The following STYK1 variants were observed in gnomAD, a reference collection of about 807,000 sequenced individuals.
STYK1 encodes STY kinase 1.
In STYK1, 46 loss-of-function variants were observed where a neutral mutation model predicts 48.1. That is an observed-to-expected ratio of 0.96 (90% confidence interval 0.75 to 1.22). The LOEUF is 1.22. Ranked by LOEUF, STYK1 falls within the 50% of genes most tolerant of loss-of-function variation. STYK1 has a pLI of 0.00. For missense variants in STYK1, 527 were observed against 521.1 expected (o/e 1.01, Z -0.11); for synonymous variants, 188 against 189.0 (o/e 0.99, Z 0.04).
At chr12:10,634,521 A>G in intron 3 of STYK1, 46 bp downstream of exon 3, 2 of 1,586,784 alleles carry the variant, frequency 1.3e-6, no homozygotes, top group South Asian at 1.1e-5. Context: ...CTTAGCCTTC[A>G]TAATTCTAAA....
chr12:10,661,326 G>C (rs1341257615), intron 1 of STYK1, among the ~76,000 whole-genome samples: 1 of 152,066 alleles, frequency 6.6e-6, no homozygotes, highest in African/African-American at 2.4e-5. Flanking sequence ...CTTTTCCCAG[G>C]ACCCAAGTAA....
At chr12:10,663,980 C>A (rs16922916) in intron 1 of STYK1, among the ~76,000 whole-genome samples, 33,065 of 152,000 alleles carry the variant, frequency 0.22, 3,773 homozygotes, top group Middle Eastern at 0.33. Context: ...AAGGTTAAAC[C>A]AGAATTTGTG....
rs141572719 is a variant in STYK1 at position 10,672,085 on chromosome 12, T to C, written c.-195+1881A>G. Among the ~76,000 whole-genome samples, 35 of 152,220 alleles carry C rather than the reference T, an allele frequency of 2.3e-4. No homozygotes were observed. In the East Asian group the frequency reaches 6.0e-3, roughly 26 times the overall value. ...AAAAGGGGAAATTCAGAGACATATATACAGGGAGAACACCATATAAACATC... is the reference window on the plus strand; with the variant it reads ...AAAAGGGGAAATTCAGAGACATATACACAGGGAGAACACCATATAAACATC... On this transcript the variant is annotated intron_variant, in intron 1 of 10. Transcript: ENST00000075503. The surrounding 1 kb of genome is among the most constrained non-coding windows in gnomAD (Gnocchi z 4.0).
chr12:10,654,754 A>T (rs1217713292), intron 1 of STYK1, among the ~76,000 whole-genome samples: 1 of 152,214 alleles, frequency 6.6e-6, no homozygotes, highest in Non-Finnish European at 1.5e-5. Flanking sequence ...CTCTCAGTAA[A>T]GTCCTTCTTG....
At position 10,629,620 on chromosome 12, in the gene STYK1, T is replaced by C. The variant is rs1249719412; in HGVS notation, c.506A>G (p.Gln169Arg). Residue 169 changes from glutamine (Q) to arginine (R), a missense_variant, in exon 6 of 11, where the codon CAA (glutamine) becomes CGA (arginine). Transcript: ENST00000075503. ...CAGGTTTTTGTGTTTCCCCAGGTAT[T>C]GATGGAATTGGATTCGCCCTAAGAA... ...QDFLGRIQFH[Q>R]YLGKHKNLVQ... The C allele has an allele frequency of 1.9e-6, 3 of 1,614,034 alleles. No homozygotes were observed. The highest frequency in any genetic ancestry group is 2.5e-6 in the Non-Finnish European group (3 of 1,180,040).
Position 10,631,075 on chromosome 12 carries a change from G to T in STYK1, c.421C>A (p.Pro141Thr). The T allele has an allele frequency of 6.2e-7, 1 of 1,614,052 alleles. No individual in the cohort carries two copies. The highest frequency in any genetic ancestry group is 1.3e-5 in the African/African-American group (1 of 74,984). ...ANMNTGDPSK[P>T]KSVILKALKE... The stretch of plus-strand genomic sequence containing the variant: ...AAAGCCTTGAGAATAACACTCTTGG[G>T]CTTAGAAGGGTCCCCAGTGTTCATA... Residue 141 changes from proline (P) to threonine (T), a missense_variant, in exon 5 of 11, where the codon CCC becomes ACC. Physicochemically the swap from Pro to Thr is conservative, Grantham distance 38. Transcript: ENST00000075503.
chr12:10,659,854 T>G (rs1947756921), intron 1 of STYK1, among the ~76,000 whole-genome samples: 1 of 152,156 alleles, frequency 6.6e-6, no homozygotes, highest in South Asian at 2.1e-4. Flanking sequence ...TTAGTAAAAA[T>G]GAGGAGATAG....
At chr12:10,661,148 A>G (rs965698869) in intron 1 of STYK1, among the ~76,000 whole-genome samples, 1 of 152,182 alleles carries the variant, frequency 6.6e-6, no homozygotes, top group Non-Finnish European at 1.5e-5. Context: ...GTAATCTTCA[A>G]ATCAGAACAG....
chr12:10,624,603 AC>A (rs1295831294), intron 8 of STYK1, 47 bp downstream of exon 8: 1 of 1,560,824 alleles, frequency 6.4e-7, no homozygotes, highest in Non-Finnish European at 8.8e-7. Context: ...CAGGGACAAC[AC>A]CCAAGTCATG....
intron 10 of STYK1, among the ~76,000 whole-genome samples, chr12:10,620,854 G>A (rs1865896097): frequency 6.6e-6 from 1 of 152,188 alleles, no homozygotes; most frequent in South Asian, 2.1e-4. Flanking sequence ...TGTGTTACAA[G>A]TACCAGAGGT....
chr12:10,665,549 A>AT (rs1947825473), intron 1 of STYK1, among the ~76,000 whole-genome samples: 1 of 151,978 alleles, frequency 6.6e-6, no homozygotes, highest in Non-Finnish European at 1.5e-5. Context: ...TATTCCATCT[A>AT]TTTTTTTCAG....
At chr12:10,663,598 C>CA (rs34019110) in intron 1 of STYK1, among the ~76,000 whole-genome samples, 808 of 51,484 alleles carry the variant, frequency 0.016, 147 homozygotes, top group Non-Finnish European at 0.021. Flanking sequence ...GACTCTGTCT[C>CA]AAAAAAAAAA....
chr12:10,667,798 G>C (rs1363875502), intron 1 of STYK1, among the ~76,000 whole-genome samples: 2 of 152,164 alleles, frequency 1.3e-5, no homozygotes, highest in African/African-American at 2.4e-5. Context: ...TAAGGAAAGA[G>C]TGAGCATCAG....
rs556130470 is a variant in STYK1 at position 10,629,497 on chromosome 12, C to T, written c.629G>A (p.Arg210Gln). 8.1e-6 allele frequency: 13 copies of T among 1,613,978 alleles called. No homozygotes were observed. Among genetic ancestry groups the T allele is most frequent in the African/African-American group, 1.3e-5 (1 of 75,024 alleles). ...GDLLSFLWTC[R>Q]RDVMTMDGLL... ...TACCTCTGCCCTACTGCTCACCCGC[C>T]GACAGGTCCAGAGAAAGCTGAGCAG... is the stretch of plus-strand genomic sequence containing the variant. Residue 210 changes from arginine (R) to glutamine (Q), a missense_variant, in exon 6 of 11, where the codon CGG becomes CAG. Transcript: ENST00000075503.
At chr12:10,638,912 T>A (rs1947514372) in intron 1 of STYK1, among the ~76,000 whole-genome samples, 1 of 152,200 alleles carries the variant, frequency 6.6e-6, no homozygotes, top group South Asian at 2.1e-4. Flanking sequence ...CACATGTGGA[T>A]CTTCCAGCCA....
intron 10 of STYK1, among the ~76,000 whole-genome samples, chr12:10,621,114 A>G (rs1405821936): frequency 6.6e-6 from 1 of 152,228 alleles, no homozygotes; most frequent in Non-Finnish European, 1.5e-5. Flanking sequence ...ATGATAAAAA[A>G]CTTACAAAAT....
intron 10 of STYK1, 63 bp downstream of exon 10, chr12:10,621,813 G>T: frequency 6.7e-7 from 1 of 1,492,288 alleles, no homozygotes; most frequent in Non-Finnish European, 9.3e-7. Context: ...AAAAGGGCAC[G>T]ATTGATAGAG....
chr12:10,634,074 T>C lies in STYK1; in HGVS notation c.103A>G (p.Thr35Ala). The part of the protein sequence containing the change: ...EVIIVPTLLV[T>A]IFLILLGVIL... ...ACCCCAAGAAGGATGAGGAAGATAG[T>C]AACCAACAAAGTTGGGACGATAATC... Residue 35 changes from threonine to alanine, a missense_variant, in exon 4 of 11, where the codon ACT becomes GCT. Physicochemically the swap from Thr to Ala is moderately conservative, Grantham distance 58. Transcript: ENST00000075503. 6.2e-7 allele frequency: 1 copy of C among 1,614,158 alleles called. No individual in the cohort carries two copies. The highest frequency in any genetic ancestry group is 8.5e-7 in the Non-Finnish European group (1 of 1,180,026).
chr12:10,628,613 G>T (rs1947386613), intron 6 of STYK1, among the ~76,000 whole-genome samples: 1 of 152,160 alleles, frequency 6.6e-6, no homozygotes, highest in Admixed American at 6.5e-5. Flanking sequence ...ACAATAATCA[G>T]CATATGAAGG....
Sources: allele counts gnomAD v4.1 joint callset (sites outside exome capture counted in the v4.1 genomes callset), GRCh38; gene constraint gnomAD v4.1.1; non-coding constraint Gnocchi (gnomAD v3.1); transcripts MANE v1.5; gene names NCBI Gene and HGNC (gene_info 2026-07-23, HGNC 2026-07-21).